MLLT10: variants seen among roughly 807,000 people sequenced by gnomAD.
The protein encoded by MLLT10 is MLLT10 histone lysine methyltransferase DOT1L cofactor.
In MLLT10, 30 loss-of-function variants were observed where a neutral mutation model predicts 129.1. The ratio of observed to expected loss-of-function variants is 0.23; its 90% CI spans 0.17 to 0.32. The LOEUF is 0.32. Ranked by LOEUF, MLLT10 falls within the 10% of genes least tolerant of loss-of-function variation. The pLI, the probability that MLLT10 is intolerant of heterozygous loss-of-function variation, is 1.00. For missense variants in MLLT10, 1,119 were observed against 1,268.3 expected, an observed-to-expected ratio of 0.88 and a Z score of 1.79; for synonymous variants, 490 against 446.4, an observed-to-expected ratio of 1.10 and a Z score of -1.23.
At chr10:21,733,316 G>T (rs568254544) in intron 18 of MLLT10, among the ~76,000 whole-genome samples, 188 bp from the exon 19 acceptor site, 1 of 152,156 alleles carries the variant, frequency 6.6e-6, no homozygotes, top group African/African-American at 2.4e-5. Flanking sequence ...TCTCGTTATT[G>T]ATTTAAAGCG....
intron 2 of MLLT10, 106 bp downstream of exon 2, chr10:21,534,910 C>T (rs1246138262): frequency 3.7e-6 from 3 of 804,360 alleles, no homozygotes; most frequent in East Asian, 1.2e-4. Context: ...GCCGCGGCCG[C>T]GGGAGGGACG....
intron 8 of MLLT10, among the ~76,000 whole-genome samples, chr10:21,648,919 C>T (rs888395961): frequency 6.6e-6 from 1 of 152,050 alleles, no homozygotes; most frequent in African/African-American, 2.4e-5. Flanking sequence ...ATCATGAGAA[C>T]AGCACAGGAA....
intron 3 of MLLT10, among the ~76,000 whole-genome samples, chr10:21,549,688 G>A (rs1452773841): frequency 7.1e-6 from 1 of 141,296 alleles, no homozygotes; most frequent in Admixed American, 7.3e-5. Flanking sequence ...TTGAGAGAGT[G>A]TCTTGCTCTG....
At chr10:21,540,009 C>G (rs1248947619) in intron 3 of MLLT10, among the ~76,000 whole-genome samples, 1 of 151,724 alleles carries the variant, frequency 6.6e-6, no homozygotes, top group Admixed American at 6.6e-5. Context: ...AATCCCACCA[C>G]TTTGGGAAGC....
rs1188851975 is a variant in MLLT10, at chr10:21,673,504, A to G, written c.1206A>G (p.Gly402=). 3 of 1,613,612 alleles carry G rather than the reference A, an allele frequency of 1.9e-6. No individual in the cohort carries two copies. Among genetic ancestry groups the G allele is most frequent in the African/African-American group, 2.7e-5 (2 of 74,788 alleles). The change falls in exon 11 of 23, where the codon GGA becomes GGG. Residue 402 remains glycine, a synonymous_variant. Coordinates refer to ENST00000307729, the MANE Select transcript of MLLT10 (RefSeq NM_001195626.3). ...CAGCAACCAAAGATGTACATAAAGG[A>G]GAGTCTGGAAGCCAGGAAGGGGGGG... The part of the protein sequence containing the change: ...QSSATKDVHK[G]ESGSQEGGVN...
chr10:21,651,808 A>C (rs189904951), intron 9 of MLLT10, 40 bp downstream of exon 9: 1 of 1,364,120 alleles, frequency 7.3e-7, no homozygotes, highest in East Asian at 2.5e-5. Context: ...TGTAATAAGT[A>C]GTTATTGTGC....
chr10:21,622,377 A>T (rs58318396), intron 8 of MLLT10, among the ~76,000 whole-genome samples: 2,436 of 149,288 alleles, frequency 0.016, 66 homozygotes, highest in African/African-American at 0.057. Flanking sequence ...TATGTTGCCT[A>T]GGCTGGTCTC....
chr10:21,648,363 A>T (rs116303830), intron 8 of MLLT10, among the ~76,000 whole-genome samples: 1,617 of 152,074 alleles, frequency 0.011, 25 homozygotes, highest in African/African-American at 0.033. Context: ...GCTTTGTATG[A>T]TTTTTTTACA....
intron 3 of MLLT10, chr10:21,556,868 A>G: frequency 6.4e-7 from 1 of 1,551,172 alleles, no homozygotes; most frequent in Non-Finnish European, 8.7e-7. Context: ...TTCCAGGGAT[A>G]TTCTTTTTTA....
intron 8 of MLLT10, among the ~76,000 whole-genome samples, chr10:21,651,217 G>A (rs2049001578): frequency 1.3e-5 from 2 of 152,108 alleles, no homozygotes; most frequent in African/African-American, 2.4e-5. Flanking sequence ...GATTACAGGT[G>A]CACACCACCA....
chr10:21,733,674 C>G, intron 19 of MLLT10, 82 bp downstream of exon 19: 1 of 1,474,458 alleles, frequency 6.8e-7, no homozygotes, highest in South Asian at 1.4e-5. Flanking sequence ...TTATTTTAAA[C>G]AGTTTTGCAG....
intron 9 of MLLT10, among the ~76,000 whole-genome samples, chr10:21,666,991 G>A (rs917842563): frequency 4.6e-5 from 7 of 151,942 alleles, no homozygotes; most frequent in African/African-American, 1.2e-4. Flanking sequence ...AGTTCTTTTA[G>A]CATTTATTGT....
chr10:21,556,510 C>A (rs1370741509), intron 3 of MLLT10: 2 of 639,430 alleles, frequency 3.1e-6, no homozygotes, highest in Non-Finnish European at 5.3e-6. Context: ...TCAGCTGCTC[C>A]TGGTGTCTCT....
chr10:21,649,933 G>A (rs996844148), intron 8 of MLLT10, among the ~76,000 whole-genome samples: 4 of 152,168 alleles, frequency 2.6e-5, no homozygotes, highest in Admixed American at 1.3e-4. Context: ...TCTTTGGGGA[G>A]TCATTATCTG....
intron 14 of MLLT10, among the ~76,000 whole-genome samples, chr10:21,724,999 C>T (rs1223556787): frequency 2.6e-5 from 4 of 152,164 alleles, no homozygotes; most frequent in Admixed American, 6.5e-5. Flanking sequence ...AGCTGTGATT[C>T]GTTGAGTCCT....
intron 3 of MLLT10, among the ~76,000 whole-genome samples, chr10:21,550,037 G>A (rs188656475): frequency 2.6e-5 from 4 of 152,300 alleles, no homozygotes; most frequent in African/African-American, 9.6e-5. Flanking sequence ...GCAAAATGTG[G>A]TCATAAAGTT....
intron 3 of MLLT10, among the ~76,000 whole-genome samples, chr10:21,563,433 G>T (rs1025930249): frequency 1.4e-4 from 21 of 151,990 alleles, no homozygotes; most frequent in African/African-American, 4.6e-4. Flanking sequence ...TGAGACATGA[G>T]AATTGCTTGA....
chr10:21,681,246 C>T (rs1413669285), intron 11 of MLLT10, 86 bp from the exon 12 acceptor site: 7 of 1,535,516 alleles, frequency 4.6e-6, no homozygotes, highest in East Asian at 2.3e-5. Flanking sequence ...GGTGAATTTC[C>T]CTCCATTTTT....
At chr10:21,714,444 A>G (rs532353969) in intron 14 of MLLT10, among the ~76,000 whole-genome samples, 1 of 152,370 alleles carries the variant, frequency 6.6e-6, no homozygotes, top group Admixed American at 6.5e-5. Context: ...AGTGTTTGTA[A>G]ATAATGATGA....
Sources: gnomAD v4.1 joint callset for allele counts (sites outside exome capture counted in the v4.1 genomes callset) on GRCh38, gnomAD v4.1.1 for gene constraint, MANE v1.5 for transcripts, NCBI Gene and HGNC (gene_info 2026-07-23, HGNC 2026-07-21) for gene names.